HIRA: variants seen among roughly 807,000 people sequenced by gnomAD.
HIRA encodes histone cell cycle regulator, also known as protein HIRA.
Under a neutral mutation model 126.6 loss-of-function variants are expected in HIRA, and 13 were observed. The observed-to-expected ratio is 0.10, with a 90% confidence interval of 0.07 to 0.16. HIRA has a LOEUF of 0.16. Among genes scored for constraint, HIRA ranks in the 10% least tolerant of loss-of-function variants. The probability of loss-of-function intolerance (pLI) is 1.00; values close to 1 mark genes in which losing one functional copy is unlikely to be tolerated. For synonymous variants in HIRA, 511 were observed against 520.0 expected (o/e 0.98, Z 0.24); for missense variants, 834 against 1,314.4 (o/e 0.63, Z 5.65).
At chr22:19,392,059 C>T (rs1451686153) in intron 9 of HIRA, 42 bp downstream of exon 9, 2 of 1,203,534 alleles carry the variant, frequency 1.7e-6, no homozygotes, top group South Asian at 1.3e-5. Context: ...TACCAACCTA[C>T]ACCTCCCGTC....
At chr22:19,412,400 T>C (rs1478830557) in intron 1 of HIRA, among the ~76,000 whole-genome samples, 2 of 152,218 alleles carry the variant, frequency 1.3e-5, no homozygotes, top group African/African-American at 4.8e-5. Flanking sequence ...TATGAGCAAA[T>C]AATAAAACTG....
intron 5 of HIRA, among the ~76,000 whole-genome samples, chr22:19,398,591 G>A (rs997023351): frequency 6.6e-6 from 1 of 152,220 alleles, no homozygotes; most frequent in South Asian, 2.1e-4. Context: ...GACCCTGACA[G>A]GAGTACCCCT....
chr22:19,410,881 C>A (rs2089346890), intron 1 of HIRA, 103 bp from the exon 2 acceptor site: 5 of 916,834 alleles, frequency 5.5e-6, no homozygotes, highest in Non-Finnish European at 6.9e-6. Context: ...CTAGAAGATT[C>A]TCCAAACATC....
intron 24 of HIRA, among the ~76,000 whole-genome samples, chr22:19,338,789 C>T (rs1556006734): frequency 6.6e-6 from 1 of 152,146 alleles, no homozygotes; most frequent in South Asian, 2.1e-4. Context: ...TATATATGCA[C>T]CTAGCACGGG....
chr22:19,348,107 T>A (rs554298974), intron 24 of HIRA, among the ~76,000 whole-genome samples: 1 of 152,302 alleles, frequency 6.6e-6, no homozygotes, highest in East Asian at 1.9e-4. Context: ...GGCACCCAGC[T>A]TTGAGTTCCA....
chr22:19,392,183 T>C lies in HIRA; in HGVS notation c.854A>G (p.Gln285Arg). The change falls in exon 9 of 25, where the codon CAG becomes CGG. Residue 285 changes from glutamine (Q) to arginine (R), a missense_variant. By Grantham distance (43) the Gln-to-Arg change is conservative. Around this residue, in one of 5 missense-constraint regions of HIRA, gnomAD observed 153 missense variants for 270.6 expected, o/e 0.57. Coordinates refer to ENST00000263208, the MANE Select transcript of HIRA (RefSeq NM_003325.4). ...AGGCTTCGCAGAACTCCCATTCTTC[T>C]GCTTCTTTTTGAAGATTTTTGGGTT... Reference protein sequence around the residue: ...KFNPKIFKKKQKNGSSAKPSC... With the variant: ...KFNPKIFKKKRKNGSSAKPSC... 6.2e-7 allele frequency: 1 copy of C among 1,608,994 alleles called. No homozygotes were observed. Among genetic ancestry groups the C allele is most frequent in the Non-Finnish European group, 8.5e-7 (1 of 1,175,766 alleles).
At chr22:19,358,182 T>C (rs1385932157) in intron 18 of HIRA, among the ~76,000 whole-genome samples, 1 of 152,168 alleles carries the variant, frequency 6.6e-6, no homozygotes, top group Non-Finnish European at 1.5e-5. Flanking sequence ...GTATTTTTGG[T>C]AGAGATGGGG....
rs1240951056 is a variant in HIRA, at chr22:19,361,748, C to A, written c.1959G>T (p.Met653Ile). ...TCACCTGGACAGACAGAGACACAGG[C>A]ATGAGACGAGAGTCCTTCCGAGGCC... is the stretch of plus-strand genomic sequence containing the variant. ...KGRPRKDSRLMPVSLSVQSPA... is the reference protein window; with the variant it reads ...KGRPRKDSRLIPVSLSVQSPA... The change falls in exon 16 of 25, where the codon ATG becomes ATT. Residue 653 changes from methionine (M) to isoleucine (I), a missense_variant. By Grantham distance (10) the Met-to-Ile change is conservative (BLOSUM62 1). Coordinates refer to ENST00000263208, the MANE Select transcript of HIRA (RefSeq NM_003325.4). 1.2e-6 allele frequency: 2 copies of A among 1,612,448 alleles called. No individual in the cohort carries two copies. Among genetic ancestry groups the A allele is most frequent in the Non-Finnish European group, 8.5e-7 (1 of 1,180,046 alleles).
chr22:19,405,945 C>G (rs980048497), intron 4 of HIRA, 65 bp from the exon 5 acceptor site: 59 of 1,044,662 alleles, frequency 5.6e-5, no homozygotes, highest in Non-Finnish European at 7.7e-5. Context: ...GAAATGCTCC[C>G]TGCAGCCAGC....
chr22:19,425,624 A>C (rs2089482863), intron 1 of HIRA, among the ~76,000 whole-genome samples: 2 of 152,204 alleles, frequency 1.3e-5, no homozygotes, highest in South Asian at 4.1e-4. Context: ...GAGTAAAACA[A>C]ATGTTTAAGA....
At chr22:19,337,646 C>G (rs1455116433) in intron 24 of HIRA, among the ~76,000 whole-genome samples, 1 of 152,078 alleles carries the variant, frequency 6.6e-6, no homozygotes, top group African/African-American at 2.4e-5. Flanking sequence ...CATCCAAATA[C>G]AAGAAGCTCA....
At chr22:19,402,650 T>C (rs930086178) in intron 5 of HIRA, among the ~76,000 whole-genome samples, 2 of 152,214 alleles carry the variant, frequency 1.3e-5, no homozygotes, top group African/African-American at 4.8e-5. Context: ...TTTGCCTTAT[T>C]TTCCAGTTTC....
chr22:19,356,799 ACTGCCTTC>A, intron 19 of HIRA, 83 bp downstream of exon 19: 1 of 1,323,142 alleles, frequency 7.6e-7, no homozygotes. Flanking sequence ...AGCCTTGTCC[ACTGCCTTC>A]CCTGCCCCTG....
intron 24 of HIRA, among the ~76,000 whole-genome samples, chr22:19,337,582 C>T (rs2088580535): frequency 1.3e-5 from 2 of 152,014 alleles, no homozygotes; most frequent in Admixed American, 1.3e-4. Flanking sequence ...GTCTGAAAAA[C>T]GTATTTGTGG....
At chr22:19,340,989 T>G (rs2088621413) in intron 24 of HIRA, among the ~76,000 whole-genome samples, 1 of 152,194 alleles carries the variant, frequency 6.6e-6, no homozygotes, top group East Asian at 1.9e-4. Flanking sequence ...ATGATTATTC[T>G]TCACAGAACT....
chr22:19,350,974 A>T, intron 24 of HIRA: 1 of 218,232 alleles, frequency 4.6e-6, no homozygotes, highest in Non-Finnish European at 7.8e-6. Context: ...CTTCCTTCTT[A>T]GTCTGAATCT....
chr22:19,387,638 GTCAAAGGGGTCTC>G, intron 11 of HIRA, 60 bp downstream of exon 11: 1 of 1,073,588 alleles, frequency 9.3e-7, no homozygotes. Context: ...AGAGGGTGTA[GTCAAAGGGGTCTC>G]TCAGAGCTAT....
At chr22:19,385,827 C>T in intron 11 of HIRA, 91 bp from the exon 12 acceptor site, 1 of 1,281,338 alleles carries the variant, frequency 7.8e-7, no homozygotes, top group Middle Eastern at 2.0e-4. Flanking sequence ...CAGGGCTCTC[C>T]TGGCTCTGAG....
At chr22:19,408,309 C>T (rs972091850) in intron 3 of HIRA, among the ~76,000 whole-genome samples, 174 bp downstream of exon 3, 4 of 152,146 alleles carry the variant, frequency 2.6e-5, no homozygotes, top group Non-Finnish European at 4.4e-5. Context: ...GTGGGCGGGC[C>T]GAGTCTTCTG....
Sources: allele counts gnomAD v4.1 joint callset (sites outside exome capture counted in the v4.1 genomes callset), GRCh38; gene constraint gnomAD v4.1.1; regional missense constraint gnomAD v4.1.1; transcripts MANE v1.5; gene names NCBI Gene and HGNC (gene_info 2026-07-23, HGNC 2026-07-21).